SUSD4: variants seen among roughly 807,000 people sequenced by gnomAD.
SUSD4 encodes the protein sushi domain-containing protein 4.
A neutral mutation model predicts 50.5 loss-of-function variants in SUSD4; 41 were observed. The observed-to-expected ratio is 0.81, with a 90% CI of 0.63 to 1.05. SUSD4 has a LOEUF of 1.05. Ranked by LOEUF, SUSD4 falls within the 50% of genes least tolerant of loss-of-function variation. The pLI, the probability that SUSD4 is intolerant of heterozygous loss-of-function variation, is 0.00. For missense variants in SUSD4, 580 were observed against 634.7 expected (o/e 0.91, Z 0.93); for synonymous variants, 257 against 257.3 (o/e 1.00, Z 0.01).
chr1:223,322,478 G>A (rs1167029327), intron 2 of SUSD4, among the ~76,000 whole-genome samples: 1 of 152,152 alleles, frequency 6.6e-6, no homozygotes, highest in Admixed American at 6.5e-5. Flanking sequence ...ATGAATTTAG[G>A]ACATTGTGCC....
intron 2 of SUSD4, among the ~76,000 whole-genome samples, chr1:223,299,250 A>G (rs1311494155): frequency 6.6e-6 from 1 of 152,126 alleles, no homozygotes; most frequent in Non-Finnish European, 1.5e-5. Context: ...GGTGTTAGGG[A>G]AGCAGAGTGG....
At chr1:223,328,682 GC>G (rs1667009151) in intron 2 of SUSD4, among the ~76,000 whole-genome samples, 2 of 152,286 alleles carry the variant, frequency 1.3e-5, no homozygotes, top group Admixed American at 1.3e-4. Context: ...AGGAGTGTCT[GC>G]AAAGCTTCCT....
rs868496979 is a variant in SUSD4, at chr1:223,259,279, G to C, written c.724+5351C>G. ...CTCTAATCTCCCTAAATGTTTGATTGGTCCTTTCTAAACTTGATTCCATCT... is the reference window on the plus strand; with the variant it reads ...CTCTAATCTCCCTAAATGTTTGATTCGTCCTTTCTAAACTTGATTCCATCT... On this transcript the variant is annotated intron_variant, in intron 5 of 8. Transcript: ENST00000366878. Among the ~76,000 whole-genome samples, 35 of 152,122 alleles carry C rather than the reference G, an allele frequency of 2.3e-4. 1 individual carries two copies. The highest frequency in any genetic ancestry group is 8.5e-4 in the African/African-American group (35 of 41,410).
rs139521589 is a variant in SUSD4, at chr1:223,245,833, G to A, written c.725-16445C>T. Among the ~76,000 whole-genome samples the A allele has an allele frequency of 1.1e-3, 172 of 152,270 alleles. 1 individual carries two copies. Among genetic ancestry groups the A allele is most frequent in the African/African-American group, 3.8e-3 (157 of 41,542 alleles). On this transcript the variant is annotated intron_variant, in intron 5 of 8. Coordinates refer to ENST00000366878, the MANE Select transcript of SUSD4 (RefSeq NM_017982.4). ...TCTAAATAGGGCTTGGTGATTAGGCGGCTAGGAGAAAAAGAAGGATAACTC... is the reference window on the plus strand; with the variant it reads ...TCTAAATAGGGCTTGGTGATTAGGCAGCTAGGAGAAAAAGAAGGATAACTC...
At chr1:223,327,012 G>A (rs1666912209) in intron 2 of SUSD4, among the ~76,000 whole-genome samples, 1 of 152,168 alleles carries the variant, frequency 6.6e-6, no homozygotes, top group African/African-American at 2.4e-5. Flanking sequence ...AAAGGAAGAT[G>A]AGTCATTATA....
At chr1:223,250,049 A>G (rs74145784) in intron 5 of SUSD4, among the ~76,000 whole-genome samples, 14,695 of 152,248 alleles carry the variant, frequency 0.097, 891 homozygotes, top group East Asian at 0.15. Flanking sequence ...GCAAAGGTGC[A>G]CTTTCCTGGG....
At chr1:223,262,258 C>T (rs1475116404) in intron 5 of SUSD4, among the ~76,000 whole-genome samples, 1 of 152,182 alleles carries the variant, frequency 6.6e-6, no homozygotes, top group Non-Finnish European at 1.5e-5. Flanking sequence ...ACTGTCCACA[C>T]CATTACTGCA....
chr1:223,288,745 ATACT>A (rs1201583056), intron 3 of SUSD4, among the ~76,000 whole-genome samples: 5 of 152,176 alleles, frequency 3.3e-5, no homozygotes, highest in African/African-American at 1.2e-4. Context: ...CTCTCATATA[ATACT>A]TATTTATAAT....
chr1:223,284,127 T>C (rs1309649492), intron 3 of SUSD4, among the ~76,000 whole-genome samples: 1 of 151,906 alleles, frequency 6.6e-6, no homozygotes, highest in African/African-American at 2.4e-5. Context: ...ATATACCCGA[T>C]GTAAATGACG....
intron 2 of SUSD4, among the ~76,000 whole-genome samples, chr1:223,328,620 C>T (rs112834054): frequency 3.9e-5 from 6 of 152,312 alleles, no homozygotes; most frequent in Middle Eastern, 3.4e-3. Context: ...TTGCCTCTGC[C>T]GCTCATCAAG....
intron 5 of SUSD4, among the ~76,000 whole-genome samples, chr1:223,230,207 A>T (rs1432715439): frequency 1.3e-5 from 2 of 152,156 alleles, no homozygotes; most frequent in Non-Finnish European, 2.9e-5. Flanking sequence ...CATCTCTGTC[A>T]CCACAAAGAC....
intron 2 of SUSD4, among the ~76,000 whole-genome samples, chr1:223,311,897 G>C (rs1665900840): frequency 6.6e-6 from 1 of 152,160 alleles, no homozygotes; most frequent in Non-Finnish European, 1.5e-5. Flanking sequence ...GAGCAGTGTA[G>C]AACTTTACGC....
chr1:223,284,902 TA>T lies in SUSD4; in HGVS notation c.361+7536del, dbSNP rs1347462097. Among the ~76,000 whole-genome samples the T allele has an allele frequency of 3.9e-5, 6 of 152,192 alleles. No homozygotes were observed. In the East Asian group the frequency reaches 1.2e-3, roughly 29 times the overall value. ...GGTGAGAGAGATTTCTTAAAGAATA[TA>T]AAGTCACAGATAGATAGGAGGAATA... On this transcript the variant is annotated intron_variant, in intron 3 of 8. Transcript: ENST00000366878.
chr1:223,226,808 C>T (rs1322479910), intron 7 of SUSD4, among the ~76,000 whole-genome samples: 1 of 152,228 alleles, frequency 6.6e-6, no homozygotes, highest in Admixed American at 6.5e-5. Flanking sequence ...TGGCCCCTGG[C>T]TAGTGTTCTG....
At chr1:223,345,226 TCCC>T (rs1306985107) in intron 2 of SUSD4, among the ~76,000 whole-genome samples, 1 of 152,012 alleles carries the variant, frequency 6.6e-6, no homozygotes, top group East Asian at 1.9e-4. Flanking sequence ...TTCTCATGGA[TCCC>T]CCCAACCCCT....
chr1:223,232,800 C>T lies in SUSD4; in HGVS notation c.725-3412G>A, dbSNP rs150300648. Among the ~76,000 whole-genome samples the T allele has an allele frequency of 3.1e-3, 474 of 152,326 alleles. 19 individuals carry two copies. Among genetic ancestry groups the T allele is most frequent in the Admixed American group, 0.029 (450 of 15,292 alleles). On this transcript the variant is annotated intron_variant, in intron 5 of 8. Coordinates refer to ENST00000366878, the MANE Select transcript of SUSD4 (RefSeq NM_017982.4). Reference sequence around the variant, plus strand: ...TTGTGTTCAAACCTCAGCTCTACCACTGATGAGCTTCAGGGTGTTAGGCAG... The same window carrying T: ...TTGTGTTCAAACCTCAGCTCTACCATTGATGAGCTTCAGGGTGTTAGGCAG...
At chr1:223,341,918 C>T (rs923701736) in intron 2 of SUSD4, among the ~76,000 whole-genome samples, 4 of 152,098 alleles carry the variant, frequency 2.6e-5, no homozygotes, top group African/African-American at 7.2e-5. Context: ...AGTAACTTCT[C>T]GGGGCCTCAG....
intron 2 of SUSD4, among the ~76,000 whole-genome samples, chr1:223,359,870 A>T (rs1195467576): frequency 6.6e-6 from 1 of 152,196 alleles, no homozygotes; most frequent in East Asian, 1.9e-4. Flanking sequence ...TCATTTAGGA[A>T]AAAAATGAGT....
intron 5 of SUSD4, among the ~76,000 whole-genome samples, chr1:223,232,252 C>G (rs762612726): frequency 1.6e-4 from 24 of 152,106 alleles, no homozygotes; most frequent in Non-Finnish European, 2.9e-4. Context: ...TGTATAGTAT[C>G]CAGACTCCAG....
Sources: gnomAD v4.1 joint callset for allele counts (sites outside exome capture counted in the v4.1 genomes callset) on GRCh38, gnomAD v4.1.1 for gene constraint, MANE v1.5 for transcripts, NCBI Gene and HGNC (gene_info 2026-07-23, HGNC 2026-07-21) for gene names.